Variants in TTL observed in about 807,000 individuals in gnomAD.
TTL encodes the protein tubulin tyrosine ligase.
TTL carries 10 observed loss-of-function variants against 41.1 expected under a neutral mutation model. The observed-to-expected ratio is 0.24, with a 90% confidence interval of 0.15 to 0.41. The LOEUF is 0.41. Ranked by LOEUF, TTL falls within the 10% of genes least tolerant of loss-of-function variation. TTL has a pLI of 1.00. For missense variants in TTL, 367 were observed against 460.4 expected, an observed-to-expected ratio of 0.80 and a Z score of 1.86; for synonymous variants, 175 against 175.5, an observed-to-expected ratio of 1.00 and a Z score of 0.02.
In TTL at chr2:112,485,921, C is replaced by A; in HGVS notation, c.162C>A (p.His54Gln). Reference protein sequence around the residue: ...RNRLPFGRLGHEPGLVQLVNY... With the variant: ...RNRLPFGRLGQEPGLVQLVNY... ...AGCCTCCTCTTTCCTTCCTAGGTCACGAGCCCGGGCTGGTACAGTTGGTGA... is the reference window on the plus strand; with the variant it reads ...AGCCTCCTCTTTCCTTCCTAGGTCAAGAGCCCGGGCTGGTACAGTTGGTGA... The change falls in exon 2 of 7, where the codon CAC becomes CAA. Residue 54 changes from histidine (H) to glutamine (Q), a missense_variant. Transcript: ENST00000233336. The A allele has an allele frequency of 6.2e-7, 1 of 1,611,926 alleles. No homozygotes were observed. The highest frequency in any genetic ancestry group is 8.5e-7 in the Non-Finnish European group (1 of 1,179,950).
rs1376075331 is a variant in TTL at position 112,486,005 on chromosome 2, A to G, written c.236+10A>G. On this transcript the variant is annotated intron_variant, in intron 2 of 6. Transcript: ENST00000233336. ...AAGCTTCTTTAGTGAAGTAAGTGTT[A>G]AGACCGCTGTTTTCCATTTTTTACC... 3.1e-6 allele frequency: 5 copies of G among 1,613,284 alleles called. No individual in the cohort carries two copies. The highest frequency in any genetic ancestry group is 1.3e-5 in the African/African-American group (1 of 75,000).
At chr2:112,492,805 G>A (rs1681425459) in intron 2 of TTL, among the ~76,000 whole-genome samples, 2 of 152,086 alleles carry the variant, frequency 1.3e-5, no homozygotes, top group South Asian at 2.1e-4. Flanking sequence ...GTGGGAGAAC[G>A]TTTTCAACCC....
Position 112,536,405 on chromosome 2 carries a change from T to C in TTL, c.*7610T>C, listed in dbSNP as rs1174914106. 6.6e-6 allele frequency: 1 copy of C among 152,068 alleles called. No homozygotes were observed. Among genetic ancestry groups the C allele is most frequent in the South Asian group, 2.1e-4 (1 of 4,816 alleles). The allele number at this position is 152,068 out of a possible 1,614,324, so 9.4% of individuals were successfully genotyped here. On this transcript the variant is annotated 3_prime_UTR_variant, in exon 7 of 7. Coordinates refer to ENST00000233336, the MANE Select transcript of TTL (RefSeq NM_153712.5). ...CTTTAGATTCAAAAACACAAACAGG[T>C]TGAAAGTAAAATGATGGAAAAAGAT...
intron 5 of TTL, among the ~76,000 whole-genome samples, chr2:112,509,746 T>G (rs1681874606): frequency 6.6e-6 from 1 of 152,168 alleles, no homozygotes. Flanking sequence ...CCCGGTAAGG[T>G]ACCTCAGATG....
At chr2:112,495,959 A>G in intron 3 of TTL, among the ~76,000 whole-genome samples, 1 of 152,236 alleles carries the variant, frequency 6.6e-6, no homozygotes. Flanking sequence ...CTTTTCCACC[A>G]GCGATGAGAC....
intron 5 of TTL, among the ~76,000 whole-genome samples, chr2:112,516,215 T>C (rs940746078): frequency 1.3e-5 from 2 of 152,262 alleles, no homozygotes; most frequent in Admixed American, 1.3e-4. Flanking sequence ...TATTTCAGTT[T>C]ATTCCTTCTG....
rs1682666852 is a variant in TTL at position 112,539,295 on chromosome 2, C to T, written c.*10500C>T. On this transcript the variant is annotated 3_prime_UTR_variant, in exon 7 of 7. Transcript: ENST00000233336. ...CCAATATACCTTTGTAACAAATTCG[C>T]ACATGTACCCCCCTGATTCTAAAAT... is the stretch of plus-strand genomic sequence containing the variant. The T allele has an allele frequency of 6.6e-6, 1 of 151,946 alleles. No individual in the cohort carries two copies. The highest frequency in any genetic ancestry group is 2.4e-5 in the African/African-American group (1 of 41,340). 9.4% of individuals were successfully genotyped at this position (151,946 alleles called of 1,614,324 possible).
At chr2:112,524,842 GT>G (rs1209425604) in intron 6 of TTL, among the ~76,000 whole-genome samples, 1 of 152,132 alleles carries the variant, frequency 6.6e-6, no homozygotes, top group African/African-American at 2.4e-5. Flanking sequence ...TGCTTTTGGT[GT>G]TTTAGACATG....
In TTL at chr2:112,482,242, C is replaced by T. The variant is rs1681105672; in HGVS notation, c.-103C>T. 1.1e-5 allele frequency: 10 copies of T among 881,444 alleles called. No individual in the cohort carries two copies. The highest frequency in any genetic ancestry group is 1.2e-5 in the Non-Finnish European group (9 of 738,292). 54.6% of individuals were successfully genotyped at this position (881,444 alleles called of 1,614,324 possible). Reference sequence around the variant, plus strand: ...GGTAGCCGGCGCGGGCGGCGGGGGCCGGGCCGCGGCGGGCGCCCGGGCGGG... The same window carrying T: ...GGTAGCCGGCGCGGGCGGCGGGGGCTGGGCCGCGGCGGGCGCCCGGGCGGG... On this transcript the variant is annotated 5_prime_UTR_variant, in exon 1 of 7. Transcript: ENST00000233336. The surrounding 1 kb of genome is among the most constrained non-coding windows in gnomAD (Gnocchi z 5.3).
Position 112,494,323 on chromosome 2 carries a change from A to C in TTL, c.417A>C (p.Lys139Asn). 6.2e-7 allele frequency: 1 copy of C among 1,614,216 alleles called. No homozygotes were observed. Among genetic ancestry groups the C allele is most frequent in the Non-Finnish European group, 8.5e-7 (1 of 1,180,032 alleles). ...TTCTCGCCTCTTATAACAGAAAGAA[A>C]GAGGATGGAGAGGGCAACGTTTGGA... ...EFFLASYNRK[K>N]EDGEGNVWIA... The change falls in exon 3 of 7, where the codon AAA (lysine) becomes AAC (asparagine). Residue 139 changes from lysine (K) to asparagine (N), a missense_variant. Lys to Asn is a moderately conservative substitution (Grantham distance 94). Coordinates refer to ENST00000233336, the MANE Select transcript of TTL (RefSeq NM_153712.5).
intron 5 of TTL, among the ~76,000 whole-genome samples, chr2:112,516,457 C>G (rs1017870112): frequency 1.3e-5 from 2 of 152,128 alleles, no homozygotes; most frequent in Admixed American, 1.3e-4. Flanking sequence ...GGGTGGATCA[C>G]AAGGTCAGGA....
At chr2:112,507,798 A>C (rs1279653718) in intron 5 of TTL, among the ~76,000 whole-genome samples, 1 of 147,996 alleles carries the variant, frequency 6.8e-6, no homozygotes, top group South Asian at 2.2e-4. Context: ...TTAATTGCAG[A>C]ATTTAGTCCA....
Position 112,520,266 on chromosome 2 carries a change from C to T in TTL, c.876-16C>T. 1 of 1,613,352 alleles carries T rather than the reference C, an allele frequency of 6.2e-7. No homozygotes were observed. The highest frequency in any genetic ancestry group is 8.5e-7 in the Non-Finnish European group (1 of 1,179,362). ...ACCACCCCGTTCTAATGAGCATTTC[C>T]CCTCCTGCCTCATAGGAACTGCCTC... On this transcript the variant is annotated splice_polypyrimidine_tract_variant and intron_variant, in intron 5 of 6. Coordinates refer to ENST00000233336, the MANE Select transcript of TTL (RefSeq NM_153712.5).
chr2:112,518,646 G>A (rs1248073392), intron 5 of TTL, among the ~76,000 whole-genome samples: 4 of 150,998 alleles, frequency 2.6e-5, no homozygotes, highest in Non-Finnish European at 4.4e-5. Context: ...TCACATGGAC[G>A]ACAGTTCCCT....
chr2:112,491,675 T>C (rs1166264690), intron 2 of TTL, among the ~76,000 whole-genome samples: 5 of 152,214 alleles, frequency 3.3e-5, no homozygotes. Flanking sequence ...GCTTAAAAAA[T>C]GTGTTGGATA....
chr2:112,525,727 G>A (rs538917087), intron 6 of TTL, among the ~76,000 whole-genome samples: 166 of 152,124 alleles, frequency 1.1e-3, no homozygotes, highest in African/African-American at 3.9e-3. Flanking sequence ...TCATGTCATC[G>A]GCAAACAGGG....
In TTL at chr2:112,484,007, G is replaced by C. The variant is rs537854128; in HGVS notation, c.157+1506G>C. 3 of 152,276 alleles carry C rather than the reference G, an allele frequency of 2.0e-5. No homozygotes were observed. In the East Asian group the frequency reaches 5.8e-4, roughly 29 times the overall value. 9.4% of individuals were successfully genotyped at this position (152,276 alleles called of 1,614,324 possible). A position where few individuals can be genotyped will look rare whatever the true frequency, so the allele number is the denominator to read the frequency against. Reference sequence around the variant, plus strand: ...GTCCACTTCCCCTTCCAGACTTCCTGACTTCCCTCTATATTCTTGGCAGTG... The same window carrying C: ...GTCCACTTCCCCTTCCAGACTTCCTCACTTCCCTCTATATTCTTGGCAGTG... On this transcript the variant is annotated intron_variant, in intron 1 of 6. Coordinates refer to ENST00000233336, the MANE Select transcript of TTL (RefSeq NM_153712.5).
chr2:112,511,643 C>T (rs1681921541), intron 5 of TTL, among the ~76,000 whole-genome samples: 1 of 152,002 alleles, frequency 6.6e-6, no homozygotes, highest in African/African-American at 2.4e-5. Flanking sequence ...TGGCAAACTG[C>T]AACCTCTGCC....
At chr2:112,496,608 G>A (rs1310567953) in intron 3 of TTL, among the ~76,000 whole-genome samples, 3 of 150,598 alleles carry the variant, frequency 2.0e-5, no homozygotes, top group Non-Finnish European at 4.4e-5. Context: ...TGTCTTTGCT[G>A]TAGATGACCC....
Sources: gnomAD v4.1 joint callset for allele counts (sites outside exome capture counted in the v4.1 genomes callset) on GRCh38, gnomAD v4.1.1 for gene constraint, Gnocchi (gnomAD v3.1) non-coding constraint, MANE v1.5 for transcripts, NCBI Gene and HGNC (gene_info 2026-07-23, HGNC 2026-07-21) for gene names.